The following FAAH2 variants were observed in gnomAD, a reference collection of about 807,000 sequenced individuals.
FAAH2 encodes the protein fatty acid amide hydrolase 2.
A neutral mutation model predicts 36.9 loss-of-function variants in FAAH2; 60 were observed. The ratio of observed to expected loss-of-function variants is 1.63; its 90% CI spans 1.32 to 2.02. The LOEUF is 2.02. Among genes scored for constraint, FAAH2 ranks in the 30% most tolerant of loss-of-function variants. FAAH2 has a pLI of 0.00. For synonymous variants in FAAH2, 214 were observed against 143.8 expected (o/e 1.49, Z -3.49); for missense variants, 689 against 397.5 (o/e 1.73, Z -6.23).
At chrX:57,126,289 A>G in the FAAH2 span, among the ~76,000 whole-genome samples, 1 of 112,367 alleles carries the variant, frequency 8.9e-6, no homozygotes, top group South Asian at 3.7e-4. Context: ...TGCAAAATAT[A>G]TTTAACTGTA....
intron 6 of FAAH2, among the ~76,000 whole-genome samples, chrX:57,380,283 C>T (rs2054808235): frequency 1.8e-5 from 2 of 111,504 alleles, no homozygotes; most frequent in Admixed American, 9.6e-5. Context: ...GCCACTTCAA[C>T]CATTTTCCAT....
At chrX:57,201,020 T>C in the FAAH2 span, among the ~76,000 whole-genome samples, 2 of 109,954 alleles carry the variant, frequency 1.8e-5, no homozygotes, top group Admixed American at 2.0e-4. Context: ...ATTTTAAGAA[T>C]ATTTTCACTA....
At chrX:57,311,903 G>A (rs139218113) in intron 3 of FAAH2, among the ~76,000 whole-genome samples, 2 of 112,160 alleles carry the variant, frequency 1.8e-5, no homozygotes, top group South Asian at 3.7e-4. Flanking sequence ...TGAGAGTAAG[G>A]AGCAGAGATC....
chrX:57,383,481 AG>A (rs2054916006), intron 7 of FAAH2, among the ~76,000 whole-genome samples: 1 of 112,256 alleles, frequency 8.9e-6, no homozygotes, highest in South Asian at 3.7e-4. Context: ...GCAAAGACTC[AG>A]GATACAAAAT....
rs892353349 is a variant in FAAH2, at chrX:57,394,742, C to A, written c.996+13713C>A. ...TTGATGACTATTGCTAGGTTTGATC[C>A]ATTCCCCTTTAACCATTTCAGGCCG... On this transcript the variant is annotated intron_variant, in intron 7 of 10. Transcript: ENST00000374900. 11 of 873,432 alleles carry A rather than the reference C, an allele frequency of 1.3e-5. No individual in the cohort carries two copies. In the African/African-American group the frequency reaches 2.2e-4, roughly 18 times the overall value. The allele number at this position is 873,432 out of a possible 1,213,427, so 72.0% of individuals were successfully genotyped here. A position where few individuals can be genotyped will look rare whatever the true frequency, so the allele number is the denominator to read the frequency against.
At chrX:57,162,562 T>G in the FAAH2 span, among the ~76,000 whole-genome samples, 2 of 111,447 alleles carry the variant, frequency 1.8e-5, no homozygotes, top group Non-Finnish European at 3.8e-5. Flanking sequence ...GCTCATTTCT[T>G]TTTATTCTTT....
intron 10 of FAAH2, among the ~76,000 whole-genome samples, chrX:57,471,454 A>G (rs1312548162): frequency 8.9e-6 from 1 of 111,920 alleles, no homozygotes; most frequent in East Asian, 2.8e-4. Flanking sequence ...CACCCATAAC[A>G]GATAGAGAAC....
At chrX:57,456,351 G>T (rs776710441) in intron 10 of FAAH2, among the ~76,000 whole-genome samples, 1 of 111,591 alleles carries the variant, frequency 9.0e-6, no homozygotes, top group Admixed American at 9.6e-5. Flanking sequence ...AGGTTAGAAA[G>T]ATGTCAAATT....
Position 57,358,168 on chromosome X carries a change from A to T in FAAH2, c.742+16778A>T, listed in dbSNP as rs772137939. 7.1e-3 allele frequency among the ~76,000 whole-genome samples: 759 copies of T among 107,654 alleles called. 5 individuals carry two copies. The highest frequency in any genetic ancestry group is 0.01 in the Non-Finnish European group (524 of 51,723). The allele number at this position is 107,654 out of a possible 115,157, so 93.5% of individuals were successfully genotyped here. The stretch of plus-strand genomic sequence containing the variant: ...TTAGTTTGAGATCTTTTTTTTTTTT[A>T]AATTTTATTTAAAAAATTGTATTGT... On this transcript the variant is annotated intron_variant, in intron 5 of 10. Transcript: ENST00000374900.
At chrX:57,194,875 A>G in the FAAH2 span, among the ~76,000 whole-genome samples, 1 of 111,781 alleles carries the variant, frequency 8.9e-6, no homozygotes, top group East Asian at 2.8e-4. Context: ...TTAGAATAAT[A>G]GTCTCCAGCT....
intron 7 of FAAH2, among the ~76,000 whole-genome samples, chrX:57,400,856 C>T (rs1052076735): frequency 2.7e-5 from 3 of 112,460 alleles, no homozygotes. Context: ...GGCGCAGTGG[C>T]TCATGCCTGC....
At chrX:57,286,689 C>T, upstream of FAAH2, 1 of 598,385 alleles carries the variant, frequency 1.7e-6, no homozygotes, top group Non-Finnish European at 2.3e-6. Flanking sequence ...TAAACAAGCT[C>T]CTGTGGAATT....
intron 8 of FAAH2, among the ~76,000 whole-genome samples, chrX:57,436,790 G>A (rs1291508991): frequency 9.0e-6 from 1 of 110,823 alleles, no homozygotes; most frequent in Non-Finnish European, 1.9e-5. Context: ...AGAACTAAAT[G>A]GATTTTCCAT....
the FAAH2 span, among the ~76,000 whole-genome samples, chrX:57,271,027 G>T: frequency 8.9e-6 from 1 of 112,274 alleles, no homozygotes; most frequent in Non-Finnish European, 1.9e-5. Flanking sequence ...GAGCAAAGTG[G>T]TCTGGCTTGG....
chrX:57,174,600 A>T, the FAAH2 span, among the ~76,000 whole-genome samples: 253 of 110,462 alleles, frequency 2.3e-3, no homozygotes, highest in African/African-American at 8.2e-3. Context: ...TCTGATCTTC[A>T]TTTCCTTTCT....
At chrX:57,218,754 G>C in the FAAH2 span, among the ~76,000 whole-genome samples, 2 of 111,884 alleles carry the variant, frequency 1.8e-5, no homozygotes, top group Non-Finnish European at 3.8e-5. Flanking sequence ...ATATCTTGTG[G>C]AATAATGTCC....
At chrX:57,311,377 AGT>A (rs2052687930) in intron 3 of FAAH2, among the ~76,000 whole-genome samples, 1 of 112,481 alleles carries the variant, frequency 8.9e-6, no homozygotes, top group Non-Finnish European at 1.9e-5. Flanking sequence ...GAAAGGGGTC[AGT>A]GAGGGAACTG....
At chrX:57,383,813 GA>G (rs1244619501) in intron 7 of FAAH2, among the ~76,000 whole-genome samples, 2 of 111,889 alleles carry the variant, frequency 1.8e-5, no homozygotes, top group African/African-American at 6.5e-5. Context: ...CACAGAATTG[GA>G]AAAAGCTACT....
intron 10 of FAAH2, among the ~76,000 whole-genome samples, chrX:57,475,841 C>A (rs1341940429): frequency 9.0e-6 from 1 of 111,508 alleles, no homozygotes; most frequent in South Asian, 3.7e-4. Flanking sequence ...ATTGTTTTTC[C>A]ATTTGTTTAT....
Sources: gnomAD v4.1 joint callset for allele counts (sites outside exome capture counted in the v4.1 genomes callset) on GRCh38, gnomAD v4.1.1 for gene constraint, MANE v1.5 for transcripts, NCBI Gene and HGNC (gene_info 2026-07-23, HGNC 2026-07-21) for gene names.